CALN1: variants seen among roughly 807,000 people sequenced by gnomAD.
CALN1 encodes the protein calneuron 1, also known as calcium-binding protein 8.
Under a neutral mutation model 30.6 loss-of-function variants are expected in CALN1, and 17 were observed. The ratio of observed to expected loss-of-function variants is 0.56; its 90% confidence interval spans 0.38 to 0.83. The LOEUF (loss-of-function observed/expected upper bound fraction) is 0.83, where lower values mean the gene tolerates loss of function less well. Ranked by LOEUF, CALN1 falls within the 40% of genes least tolerant of loss-of-function variation. CALN1 has a pLI of 0.00. For missense variants in CALN1, 291 were observed against 354.9 expected (o/e 0.82, Z 1.45); for synonymous variants, 156 against 131.4 (o/e 1.19, Z -1.28).
chr7:71,827,868 A>G (rs1454072818), intron 5 of CALN1, among the ~76,000 whole-genome samples: 1 of 152,014 alleles, frequency 6.6e-6, no homozygotes, highest in Non-Finnish European at 1.5e-5. Flanking sequence ...AACATAGAGG[A>G]GGCAAGGGTG....
At chr7:72,097,058 G>A (rs561580113) in intron 4 of CALN1, among the ~76,000 whole-genome samples, 6 of 151,998 alleles carry the variant, frequency 3.9e-5, no homozygotes, top group African/African-American at 1.2e-4. Context: ...CTATCACAAC[G>A]ACAGAAAATC....
At chr7:72,051,695 A>G (rs1393567332) in intron 4 of CALN1, among the ~76,000 whole-genome samples, 3 of 152,222 alleles carry the variant, frequency 2.0e-5, no homozygotes, top group African/African-American at 7.2e-5. Context: ...TGCTCCAAAC[A>G]TAGCTGACCA....
chr7:71,982,592 C>T (rs569288691), intron 5 of CALN1, among the ~76,000 whole-genome samples: 10 of 152,068 alleles, frequency 6.6e-5, no homozygotes, highest in Non-Finnish European at 1.3e-4. Context: ...GAAACTCTGT[C>T]GCAAAACAAA....
intron 6 of CALN1, among the ~76,000 whole-genome samples, chr7:71,801,608 A>G (rs1370630534): frequency 6.6e-6 from 1 of 152,074 alleles, no homozygotes; most frequent in African/African-American, 2.4e-5. Context: ...CTTGTCTCTC[A>G]GGGCCATGCA....
chr7:72,407,424 T>C (rs1416555581), intron 1 of CALN1, among the ~76,000 whole-genome samples: 1 of 152,216 alleles, frequency 6.6e-6, no homozygotes, highest in African/African-American at 2.4e-5. Context: ...AACAGGTGAC[T>C]GGATCACGGG....
intron 5 of CALN1, among the ~76,000 whole-genome samples, chr7:71,966,361 G>T (rs768273422): frequency 3.3e-5 from 5 of 152,172 alleles, no homozygotes; most frequent in Non-Finnish European, 5.9e-5. Flanking sequence ...CAAGTCTCAT[G>T]TTCAATTGTA....
At chr7:72,478,182 G>T in the CALN1 span, among the ~76,000 whole-genome samples, 1 of 151,434 alleles carries the variant, frequency 6.6e-6, no homozygotes, top group African/African-American at 2.4e-5. Context: ...TTCAGGACCA[G>T]TAAGCAACGT....
At chr7:72,114,830 C>T (rs1263731714) in intron 3 of CALN1, among the ~76,000 whole-genome samples, 1 of 152,062 alleles carries the variant, frequency 6.6e-6, no homozygotes, top group Non-Finnish European at 1.5e-5. Flanking sequence ...CCCGTCTCTA[C>T]TAAAAATACA....
chr7:72,211,949 G>GT (rs1562744464), intron 3 of CALN1, among the ~76,000 whole-genome samples: 1 of 152,208 alleles, frequency 6.6e-6, no homozygotes, highest in African/African-American at 2.4e-5. Flanking sequence ...ACTGTTTCAT[G>GT]TAAGACTTAA....
chr7:72,043,074 T>C (rs1235036036), intron 4 of CALN1, among the ~76,000 whole-genome samples: 1 of 152,200 alleles, frequency 6.6e-6, no homozygotes, highest in Non-Finnish European at 1.5e-5. Flanking sequence ...GGCCCTAATA[T>C]AGATCTTGCA....
chr7:71,814,572 T>C (rs1283319673), intron 5 of CALN1, among the ~76,000 whole-genome samples: 2 of 152,174 alleles, frequency 1.3e-5, no homozygotes, highest in Non-Finnish European at 2.9e-5. Context: ...GGGTTTGAAC[T>C]GTGTGGGTCC....
intron 3 of CALN1, among the ~76,000 whole-genome samples, chr7:72,192,136 A>G (rs1790654208): frequency 6.6e-6 from 1 of 152,108 alleles, no homozygotes; most frequent in South Asian, 2.1e-4. Flanking sequence ...GACATCATAC[A>G]GCATTATTTA....
chr7:71,930,512 G>A (rs1462996778), intron 5 of CALN1, among the ~76,000 whole-genome samples: 1 of 152,166 alleles, frequency 6.6e-6, no homozygotes, highest in Non-Finnish European at 1.5e-5. Context: ...CCCATGGTGT[G>A]AGTTGTCTTT....
chr7:72,252,793 T>G (rs545849409), intron 3 of CALN1, among the ~76,000 whole-genome samples: 1 of 152,212 alleles, frequency 6.6e-6, no homozygotes, highest in African/African-American at 2.4e-5. Flanking sequence ...TTCTGTAATT[T>G]TTATAATATA....
At chr7:71,992,985 T>C (rs780732646) in intron 5 of CALN1, among the ~76,000 whole-genome samples, 1 of 151,992 alleles carries the variant, frequency 6.6e-6, no homozygotes, top group Non-Finnish European at 1.5e-5. Context: ...GAGAAAGAGT[T>C]CCCTTCGCTC....
chr7:72,359,680 T>C (rs538671510), intron 2 of CALN1, among the ~76,000 whole-genome samples: 49 of 152,144 alleles, frequency 3.2e-4, no homozygotes, highest in African/African-American at 1.0e-3. Context: ...CTTGTGAAAG[T>C]TGACCTGGAT....
At chr7:71,937,169 T>C (rs1215607656) in intron 5 of CALN1, among the ~76,000 whole-genome samples, 2 of 151,972 alleles carry the variant, frequency 1.3e-5, no homozygotes, top group Admixed American at 1.3e-4. Context: ...TAGCTGGGCA[T>C]GGTGGTGCAT....
the CALN1 span, among the ~76,000 whole-genome samples, chr7:72,486,185 C>G: frequency 6.6e-6 from 1 of 152,070 alleles, no homozygotes; most frequent in African/African-American, 2.4e-5. Flanking sequence ...CTAAACATAT[C>G]TAAGCATAGA....
At chr7:72,362,818 G>C (rs1030561129) in intron 2 of CALN1, among the ~76,000 whole-genome samples, 1 of 152,004 alleles carries the variant, frequency 6.6e-6, no homozygotes, top group African/African-American at 2.4e-5. Flanking sequence ...TCACCTCCTC[G>C]GGCCAGCATC....
Sources: gnomAD v4.1 joint callset for allele counts (sites outside exome capture counted in the v4.1 genomes callset) on GRCh38, gnomAD v4.1.1 for gene constraint, MANE v1.5 for transcripts, NCBI Gene and HGNC (gene_info 2026-07-23, HGNC 2026-07-21) for gene names.